The following LIPH variants were observed in gnomAD, a reference collection of about 807,000 sequenced individuals.
LIPH encodes lipase member H.
Under a neutral mutation model 47.6 loss-of-function variants are expected in LIPH, and 32 were observed. The ratio of observed to expected loss-of-function variants is 0.67; its 90% CI spans 0.51 to 0.90. The LOEUF (loss-of-function observed/expected upper bound fraction) is 0.90, where lower values mean the gene tolerates loss of function less well. Among genes scored for constraint, LIPH ranks in the 40% least tolerant of loss-of-function variants. LIPH has a pLI of 0.00. For synonymous variants in LIPH, 190 were observed against 195.6 expected, an observed-to-expected ratio of 0.97 and a Z score of 0.24; for missense variants, 497 against 541.4, an observed-to-expected ratio of 0.92 and a Z score of 0.81.
At chr3:185,526,038 C>T (rs553979513) in intron 4 of LIPH, among the ~76,000 whole-genome samples, 27 of 152,182 alleles carry the variant, frequency 1.8e-4, no homozygotes, top group African/African-American at 6.0e-4. Context: ...TATCACCCAA[C>T]CCCACATGAC....
At chr3:185,530,850 A>C (rs1410125412) in intron 3 of LIPH, among the ~76,000 whole-genome samples, 1 of 152,156 alleles carries the variant, frequency 6.6e-6, no homozygotes, top group Non-Finnish European at 1.5e-5. Flanking sequence ...CCTGGGTAAC[A>C]AAGTAAGACC....
In LIPH at chr3:185,508,893, A is replaced by G. The variant is rs1375900802; in HGVS notation, c.1269-16T>C. The G allele has an allele frequency of 3.4e-6, 5 of 1,484,566 alleles. No homozygotes were observed. In the Admixed American group the frequency reaches 8.4e-5, roughly 25 times the overall value. 92.0% of individuals were successfully genotyped at this position (1,484,566 alleles called of 1,614,324 possible). Reference sequence around the variant, plus strand: ...CAGCTGAGGCCTGGGAAAATAAGACAAAATATCCTTGTAAATGAATTTATA... The same window carrying G: ...CAGCTGAGGCCTGGGAAAATAAGACGAAATATCCTTGTAAATGAATTTATA... On this transcript the variant is annotated splice_polypyrimidine_tract_variant and intron_variant, in intron 9 of 9. Coordinates refer to ENST00000296252, the MANE Select transcript of LIPH (RefSeq NM_139248.3).
intron 3 of LIPH, 140 bp from the exon 4 acceptor site, chr3:185,527,725 G>C (rs1446670243): frequency 7.3e-6 from 5 of 682,360 alleles, no homozygotes. Flanking sequence ...CGTCCCACTT[G>C]GCCAGGACTC....
chr3:185,538,718 AATATATGTACATATATATAC>A lies in LIPH; in HGVS notation c.50-3606_50-3587del, dbSNP rs201012743. 6.2e-3 allele frequency among the ~76,000 whole-genome samples: 588 copies of A among 95,156 alleles called. 38 individuals are homozygous for A. The highest frequency in any genetic ancestry group is 0.011 in the African/African-American group (325 of 29,188). The allele number at this position is 95,156 out of a possible 152,430, so 62.4% of individuals were successfully genotyped here. ...CCACCAAATATATATTCCACCAAATAATATATGTACATATATATACATATATGTACATATATATACATATA... is the reference window on the plus strand; with the variant it reads ...CCACCAAATATATATTCCACCAAATAATATATGTACATATATATACATATA... On this transcript the variant is annotated intron_variant, in intron 1 of 9. Transcript: ENST00000296252.
intron 3 of LIPH, among the ~76,000 whole-genome samples, chr3:185,529,848 C>G (rs1411447155): frequency 1.3e-5 from 2 of 149,506 alleles, no homozygotes; most frequent in Admixed American, 1.4e-4. Flanking sequence ...CATGATTGTG[C>G]CATTGCCCTC....
chr3:185,544,938 T>C (rs375437570), intron 1 of LIPH, among the ~76,000 whole-genome samples: 1 of 141,948 alleles, frequency 7.0e-6, no homozygotes, highest in African/African-American at 2.5e-5. Flanking sequence ...CCTCATTCTT[T>C]AAATATTCAT....
At chr3:185,548,127 C>G (rs935402836) in intron 1 of LIPH, among the ~76,000 whole-genome samples, 1 of 152,156 alleles carries the variant, frequency 6.6e-6, no homozygotes, top group Non-Finnish European at 1.5e-5. Flanking sequence ...TGAGTTGGGG[C>G]CGGGCGCAGT....
chr3:185,549,009 G>A (rs1484503305), intron 1 of LIPH, among the ~76,000 whole-genome samples: 3 of 150,642 alleles, frequency 2.0e-5, no homozygotes, highest in African/African-American at 7.3e-5. Context: ...GTGGGTGCCT[G>A]TAATCCCAGC....
Position 185,508,843 on chromosome 3 carries a change from C to G in LIPH, c.1303G>C (p.Glu435Gln), listed in dbSNP as rs376062316. Reference protein sequence around the residue: ...QLCRYDLVLMENVETVFQPIL... With the variant: ...QLCRYDLVLMQNVETVFQPIL... ...GGTTGGAAGACTGTTTCAACGTTTT[C>G]CATCAGGACAAGATCATACCGACAC... The change falls in exon 10 of 10, where the codon GAA becomes CAA. Residue 435 changes from glutamate to glutamine, a missense_variant. Physicochemically the swap from Glu to Gln is conservative, Grantham distance 29. Transcript: ENST00000296252. The G allele has an allele frequency of 1.2e-6, 2 of 1,613,790 alleles. No homozygotes were observed. The highest frequency in any genetic ancestry group is 2.7e-5 in the African/African-American group (2 of 74,888).
At chr3:185,516,311 T>TA (rs145428237) in intron 7 of LIPH, among the ~76,000 whole-genome samples, 14,524 of 151,800 alleles carry the variant, frequency 0.096, 1,276 homozygotes, top group African/African-American at 0.24. Flanking sequence ...TGCACACCTG[T>TA]AGTCTCAGGT....
chr3:185,521,031 G>C (rs751439003), intron 5 of LIPH, among the ~76,000 whole-genome samples: 47 of 151,810 alleles, frequency 3.1e-4, no homozygotes, highest in Middle Eastern at 3.4e-3. Context: ...CACCACTTCC[G>C]GCTAATTTTG....
chr3:185,513,611 C>T (rs1719636451), intron 8 of LIPH, among the ~76,000 whole-genome samples: 1 of 152,126 alleles, frequency 6.6e-6, no homozygotes, highest in South Asian at 2.1e-4. Context: ...AGCAGAGTCT[C>T]AGACATTTGC....
rs1461322052 is a variant in LIPH at position 185,508,937 on chromosome 3, A to T, written c.1269-60T>A. The T allele has an allele frequency of 4.2e-6, 4 of 959,614 alleles. No individual in the cohort carries two copies. The African/African-American group carries it at 6.5e-5, about 16-fold the overall frequency. The allele number at this position is 959,614 out of a possible 1,614,324, so 59.4% of individuals were successfully genotyped here. On this transcript the variant is annotated intron_variant, in intron 9 of 9. Transcript: ENST00000296252. The stretch of plus-strand genomic sequence containing the variant: ...ATTTATAAAAATGCAATGGTCTAGT[A>T]AATAATATTATATCCTTAAGATACA...
At chr3:185,551,504 A>C (rs1037352230) in intron 1 of LIPH, among the ~76,000 whole-genome samples, 2 of 152,224 alleles carry the variant, frequency 1.3e-5, no homozygotes, top group African/African-American at 2.4e-5. Context: ...TAAAAAAATT[A>C]AGTTGATATA....
chr3:185,509,822 T>TA (rs1560153737), intron 9 of LIPH, among the ~76,000 whole-genome samples: 3 of 152,164 alleles, frequency 2.0e-5, no homozygotes, highest in Non-Finnish European at 4.4e-5. Context: ...CAAATAAACA[T>TA]ATATTGTCTG....
chr3:185,514,367 A>C, intron 8 of LIPH, 43 bp downstream of exon 8: 1 of 854,594 alleles, frequency 1.2e-6, no homozygotes, highest in Non-Finnish European at 2.1e-6. Context: ...TCTCTGAGCA[A>C]AAAGGGAAAT....
intron 7 of LIPH, among the ~76,000 whole-genome samples, chr3:185,515,022 C>T (rs553266942): frequency 6.6e-6 from 1 of 152,240 alleles, no homozygotes. Flanking sequence ...CTTACTTTGC[C>T]AGCTCTGTGA....
intron 1 of LIPH, among the ~76,000 whole-genome samples, chr3:185,540,090 A>T (rs139389593): frequency 2.6e-5 from 4 of 152,276 alleles, no homozygotes; most frequent in African/African-American, 9.6e-5. Context: ...CTGCTTTCTC[A>T]GGTGCCAAAC....
At chr3:185,511,741 A>C in intron 8 of LIPH, 44 bp from the exon 9 acceptor site, 1 of 1,436,462 alleles carries the variant, frequency 7.0e-7, no homozygotes, top group Non-Finnish European at 9.8e-7. Flanking sequence ...AAGACTACTA[A>C]TGAGAGAAAG....
Sources: gnomAD v4.1 joint callset for allele counts (sites outside exome capture counted in the v4.1 genomes callset) on GRCh38, gnomAD v4.1.1 for gene constraint, MANE v1.5 for transcripts, NCBI Gene and HGNC (gene_info 2026-07-23, HGNC 2026-07-21) for gene names.